Variants in SLC27A2 observed in about 807,000 individuals in gnomAD.
The protein encoded by SLC27A2 is solute carrier family 27 member 2.
A neutral mutation model predicts 60.0 loss-of-function variants in SLC27A2; 54 were observed. The observed-to-expected ratio is 0.90, with a 90% confidence interval of 0.72 to 1.13. The LOEUF is 1.13. Among genes scored for constraint, SLC27A2 ranks in the 50% most tolerant of loss-of-function variants. SLC27A2 has a pLI of 0.00. For synonymous variants in SLC27A2, 297 were observed against 297.6 expected, an observed-to-expected ratio of 1.00 and a Z score of 0.02; for missense variants, 739 against 777.6, an observed-to-expected ratio of 0.95 and a Z score of 0.59.
chr15:50,204,833 GTGTGTGTATATATATGTA>G (rs2045097660), intron 3 of SLC27A2, among the ~76,000 whole-genome samples: 2 of 146,012 alleles, frequency 1.4e-5, no homozygotes, highest in African/African-American at 2.6e-5. Context: ...ATATATGTAT[GTGTGTGTATATATATGTA>G]TGTGTGTATA....
chr15:50,205,837 C>T (rs2045108127), intron 4 of SLC27A2, among the ~76,000 whole-genome samples: 1 of 152,194 alleles, frequency 6.6e-6, no homozygotes, highest in Non-Finnish European at 1.5e-5. Context: ...GCTGGAACCA[C>T]ATCTTGTCTC....
intron 1 of SLC27A2, among the ~76,000 whole-genome samples, chr15:50,196,067 A>ATAAAAAT (rs71424049): frequency 4.1e-5 from 1 of 24,122 alleles, no homozygotes; most frequent in Non-Finnish European, 8.7e-5. Context: ...AAAAAAAAAA[A>ATAAAAAT]AAAAAAAAAA....
rs558072584 is a variant in SLC27A2, at chr15:50,202,320, G to C, written c.689-167G>C. 2.6e-5 allele frequency among the ~76,000 whole-genome samples: 4 copies of C among 152,288 alleles called. No individual in the cohort carries two copies. In the East Asian group the frequency reaches 7.7e-4, roughly 29 times the overall value. On this transcript the variant is annotated intron_variant, in intron 2 of 9. Transcript: ENST00000267842. ...CACAATCCCAAAACATTTACTCCCT[G>C]GTCCTTTATAGAAAACATTTGTCAA...
chr15:50,187,369 A>G lies in SLC27A2; in HGVS notation c.478+4464A>G, dbSNP rs558544456. On this transcript the variant is annotated intron_variant, in intron 1 of 9. Transcript: ENST00000267842. ...TAGTTTTTCACCCAACTTTCCAAAT[A>G]CAGAATATGGGTAAAACAGTAAAAC... 4.6e-5 allele frequency among the ~76,000 whole-genome samples: 7 copies of G among 152,354 alleles called. No individual in the cohort carries two copies. In the South Asian group the frequency reaches 1.2e-3, roughly 27 times the overall value.
At chr15:50,199,895 G>A (rs746215688) in intron 2 of SLC27A2, among the ~76,000 whole-genome samples, 2 of 152,200 alleles carry the variant, frequency 1.3e-5, no homozygotes, top group Non-Finnish European at 2.9e-5. Flanking sequence ...ACCCCATGCT[G>A]GGTGACAGAG....
chr15:50,210,153 G>A (rs1473533809), intron 4 of SLC27A2, among the ~76,000 whole-genome samples: 2 of 152,200 alleles, frequency 1.3e-5, no homozygotes, highest in Admixed American at 6.5e-5. Context: ...GCGGGAGGCA[G>A]GACTAGATTG....
At chr15:50,234,477 C>T (rs1399130055) in intron 9 of SLC27A2, among the ~76,000 whole-genome samples, 1 of 151,320 alleles carries the variant, frequency 6.6e-6, no homozygotes, top group Non-Finnish European at 1.5e-5. Flanking sequence ...GCCCCAGCTA[C>T]TCGGGAGGCT....
Position 50,182,788 on chromosome 15 carries a change from T to G in SLC27A2, c.361T>G (p.Trp121Gly), listed in dbSNP as rs923178758. ...MGNEPAYVWL[W>G]LGLVKLGCAM... is the part of the protein sequence containing the mutation. ...TAACGAGCCGGCCTACGTGTGGCTG[T>G]GGCTGGGGCTGGTGAAGCTGGGCTG... The change falls in exon 1 of 10, where the codon TGG becomes GGG. Residue 121 changes from tryptophan (W) to glycine (G), a missense_variant. Physicochemically the swap from Trp to Gly is radical, Grantham distance 184. Coordinates refer to ENST00000267842, the MANE Select transcript of SLC27A2 (RefSeq NM_003645.4). The G allele has an allele frequency of 9.3e-6, 15 of 1,613,728 alleles. No individual in the cohort carries two copies. The highest frequency in any genetic ancestry group is 8.0e-5 in the African/African-American group (6 of 74,940).
At chr15:50,209,179 C>A (rs778108740) in intron 4 of SLC27A2, among the ~76,000 whole-genome samples, 2 of 152,152 alleles carry the variant, frequency 1.3e-5, no homozygotes, top group Non-Finnish European at 2.9e-5. Context: ...TGAATAGATT[C>A]AACTTACCTC....
chr15:50,215,812 C>G (rs1204183880), intron 4 of SLC27A2, among the ~76,000 whole-genome samples: 1 of 152,170 alleles, frequency 6.6e-6, no homozygotes, highest in Non-Finnish European at 1.5e-5. Flanking sequence ...AAACTCAACT[C>G]AAGATGGATT....
At chr15:50,205,139 T>C in intron 3 of SLC27A2, 100 bp from the exon 4 acceptor site, 1 of 1,393,940 alleles carries the variant, frequency 7.2e-7, no homozygotes, top group Non-Finnish European at 9.8e-7. Flanking sequence ...AAATATAATT[T>C]ATTTTTAAAT....
Position 50,194,484 on chromosome 15 carries a change from C to T in SLC27A2, c.479-3016C>T, listed in dbSNP as rs977211244. Among the ~76,000 whole-genome samples, 12 of 152,108 alleles carry T rather than the reference C, an allele frequency of 7.9e-5. 1 individual carries two copies. Among genetic ancestry groups the T allele is most frequent in the South Asian group, 4.2e-4 (2 of 4,810 alleles). Reference sequence around the variant, plus strand: ...CACAGAAAGCACGCAGGAGTGGGACCGGGAGGCACCTCCGGTCCTCCCGAA... The same window carrying T: ...CACAGAAAGCACGCAGGAGTGGGACTGGGAGGCACCTCCGGTCCTCCCGAA... On this transcript the variant is annotated intron_variant, in intron 1 of 9. Transcript: ENST00000267842.
Position 50,226,967 on chromosome 15 carries a change from T to C in SLC27A2, c.1259-13T>C, listed in dbSNP as rs2140913019. ...TCTAGCACATAAAATAAGTTTACTT[T>C]CTTCTGTCTTAGGTGAAGTTGGACT... is the stretch of plus-strand genomic sequence containing the variant. On this transcript the variant is annotated splice_polypyrimidine_tract_variant and intron_variant, in intron 6 of 9. Transcript: ENST00000267842. 4 of 1,605,880 alleles carry C rather than the reference T, an allele frequency of 2.5e-6. No homozygotes were observed. Among genetic ancestry groups the C allele is most frequent in the South Asian group, 1.1e-5 (1 of 89,204 alleles).
rs749338181 is a variant in SLC27A2, at chr15:50,182,383, G to T, written c.-45G>T. ...CCCAGTCGCCGCGCTGCACGCCCGG[G>T]GTGAACCCTCTGCCCTCGCTGGGAC... On this transcript the variant is annotated 5_prime_UTR_variant, in exon 1 of 10. Coordinates refer to ENST00000267842, the MANE Select transcript of SLC27A2 (RefSeq NM_003645.4). 3.3e-6 allele frequency: 5 copies of T among 1,513,284 alleles called. No homozygotes were observed. The Admixed American group carries it at 8.6e-5, about 26-fold the overall frequency. The allele number at this position is 1,513,284 out of a possible 1,614,324, so 93.7% of individuals were successfully genotyped here. A position where few individuals can be genotyped will look rare whatever the true frequency, so the allele number is the denominator to read the frequency against.
intron 9 of SLC27A2, among the ~76,000 whole-genome samples, chr15:50,234,447 C>T (rs779101962): frequency 2.0e-5 from 3 of 151,782 alleles, no homozygotes; most frequent in Non-Finnish European, 1.5e-5. Context: ...ATTAGCTGGG[C>T]GTGGTAGTGC....
intron 1 of SLC27A2, among the ~76,000 whole-genome samples, chr15:50,184,136 A>G (rs551802454): frequency 1.3e-5 from 2 of 151,568 alleles, no homozygotes; most frequent in East Asian, 2.0e-4. Context: ...GACCACAGGC[A>G]TGCACCACCA....
intron 1 of SLC27A2, among the ~76,000 whole-genome samples, chr15:50,194,673 T>C (rs2045000018): frequency 6.6e-6 from 1 of 151,948 alleles, no homozygotes; most frequent in Admixed American, 6.6e-5. Flanking sequence ...AGGTAGGAAA[T>C]AATGAGGACA....
intron 6 of SLC27A2, 72 bp from the exon 7 acceptor site, chr15:50,226,908 A>C (rs531766943): frequency 7.9e-7 from 1 of 1,268,000 alleles, no homozygotes; most frequent in East Asian, 2.4e-5. Flanking sequence ...GTATGGCATT[A>C]GTTTTAAGAG....
At chr15:50,197,819 C>A in intron 2 of SLC27A2, 110 bp downstream of exon 2, 1 of 721,416 alleles carries the variant, frequency 1.4e-6, no homozygotes, top group Admixed American at 2.5e-5. Context: ...ACTAATACTT[C>A]AGGAGATTTA....
Sources: gnomAD v4.1 joint callset for allele counts (sites outside exome capture counted in the v4.1 genomes callset) on GRCh38, gnomAD v4.1.1 for gene constraint, MANE v1.5 for transcripts, NCBI Gene and HGNC (gene_info 2026-07-23, HGNC 2026-07-21) for gene names.